DPP10: variants seen among roughly 807,000 people sequenced by gnomAD.
The protein encoded by DPP10 is dipeptidyl peptidase like 10, also known as inactive dipeptidyl peptidase 10.
Under a neutral mutation model 120.9 loss-of-function variants are expected in DPP10, and 33 were observed. That is an observed-to-expected ratio of 0.27 (90% CI 0.21 to 0.37). The LOEUF (loss-of-function observed/expected upper bound fraction) is 0.37. Among genes scored for constraint, DPP10 ranks in the 10% least tolerant of loss-of-function variants. The pLI is 1.00. For synonymous variants in DPP10, 337 were observed against 326.1 expected, an observed-to-expected ratio of 1.03 and a Z score of -0.36; for missense variants, 816 against 942.8, an observed-to-expected ratio of 0.87 and a Z score of 1.76.
At chr2:115,084,627 T>G (rs1708547035) in intron 1 of DPP10, among the ~76,000 whole-genome samples, 1 of 152,178 alleles carries the variant, frequency 6.6e-6, no homozygotes, top group African/African-American at 2.4e-5. Flanking sequence ...CAGATTTATC[T>G]TGGGAAAAGC....
chr2:115,348,149 C>T (rs1052832300), intron 3 of DPP10, among the ~76,000 whole-genome samples: 8 of 152,184 alleles, frequency 5.3e-5, no homozygotes, highest in East Asian at 1.9e-4. Flanking sequence ...GTCAGTTCAA[C>T]GTACTCAGCA....
Position 114,565,752 on chromosome 2 carries a change from C to T in DPP10, c.60+122914C>T, listed in dbSNP as rs566541613. Among the ~76,000 whole-genome samples, 10 of 152,272 alleles carry T rather than the reference C, an allele frequency of 6.6e-5. No individual in the cohort carries two copies. In the South Asian group the frequency reaches 2.1e-3, roughly 32 times the overall value. On this transcript the variant is annotated intron_variant, in intron 1 of 25. Transcript: ENST00000410059. ...CTGCCACCTATAAACTACGTGACTT[C>T]CTGGTGTTATAATTTACTCTTCTTG...
intron 1 of DPP10, among the ~76,000 whole-genome samples, chr2:114,810,904 G>A (rs1418393733): frequency 6.6e-6 from 1 of 152,102 alleles, no homozygotes; most frequent in Admixed American, 6.5e-5. Context: ...TTTCCCAGAA[G>A]ACTCTTTGGA....
chr2:115,077,698 T>G (rs1280843097), intron 1 of DPP10, among the ~76,000 whole-genome samples: 1 of 152,230 alleles, frequency 6.6e-6, no homozygotes, highest in Non-Finnish European at 1.5e-5. Context: ...GACCCTGCAG[T>G]GCAGTGTTCT....
chr2:114,687,438 G>T lies in DPP10; in HGVS notation c.60+244600G>T, dbSNP rs181699872. ...AAAAGTCAAATTGGCCACCTAATTT[G>T]GATGTTTTTATGTGGGTAGATCTGG... On this transcript the variant is annotated intron_variant, in intron 1 of 25. Transcript: ENST00000410059. Among the ~76,000 whole-genome samples, 454 of 152,010 alleles carry T rather than the reference G, an allele frequency of 3.0e-3. 3 individuals are homozygous for T. Among genetic ancestry groups the T allele is most frequent in the Middle Eastern group, 0.014 (4 of 294 alleles).
intron 7 of DPP10, among the ~76,000 whole-genome samples, chr2:115,699,022 G>GAA (rs758818861): frequency 2.4e-3 from 94 of 39,142 alleles, no homozygotes; most frequent in East Asian, 4.6e-3. Context: ...TAGCTTGACT[G>GAA]AAAAAAAAAA....
In DPP10 at chr2:115,126,164, G is replaced by A. The variant is rs959128650; in HGVS notation, c.61-183075G>A. Among the ~76,000 whole-genome samples the A allele has an allele frequency of 2.6e-5, 4 of 152,104 alleles. No homozygotes were observed. The East Asian group carries it at 7.7e-4, about 29-fold the overall frequency. Reference sequence around the variant, plus strand: ...GACAGGGCCTCACTCTGTTGACCAGGCTGGAATGCAAAGGTGTGATCTTGG... The same window carrying A: ...GACAGGGCCTCACTCTGTTGACCAGACTGGAATGCAAAGGTGTGATCTTGG... On this transcript the variant is annotated intron_variant, in intron 1 of 25. Coordinates refer to ENST00000410059, the MANE Select transcript of DPP10 (RefSeq NM_020868.6).
chr2:114,565,450 G>C (rs1243762398), intron 1 of DPP10, among the ~76,000 whole-genome samples: 1 of 152,180 alleles, frequency 6.6e-6, no homozygotes, highest in African/African-American at 2.4e-5. Context: ...ATGGTGACAA[G>C]CTACTCTCTG....
chr2:115,669,178 A>G (rs544141443), intron 5 of DPP10, among the ~76,000 whole-genome samples: 2 of 152,262 alleles, frequency 1.3e-5, no homozygotes, highest in East Asian at 1.9e-4. Flanking sequence ...TGGGAATGCT[A>G]TTAGCAAAAG....
chr2:115,596,489 A>G (rs1364800689), intron 5 of DPP10, among the ~76,000 whole-genome samples: 1 of 152,162 alleles, frequency 6.6e-6, no homozygotes, highest in Non-Finnish European at 1.5e-5. Context: ...AAACACACAG[A>G]CATACAGGCA....
At chr2:115,597,074 A>G (rs1048530067) in intron 5 of DPP10, among the ~76,000 whole-genome samples, 1 of 152,184 alleles carries the variant, frequency 6.6e-6, no homozygotes, top group African/African-American at 2.4e-5. Context: ...AGTAAAACGC[A>G]TATCCCTCAG....
chr2:115,305,894 C>T (rs1173796230), intron 1 of DPP10, among the ~76,000 whole-genome samples: 1 of 151,826 alleles, frequency 6.6e-6, no homozygotes, highest in East Asian at 1.9e-4. Context: ...ATCATTATGA[C>T]GATGATGATG....
At chr2:114,594,690 T>G (rs1161918719) in intron 1 of DPP10, among the ~76,000 whole-genome samples, 1 of 151,678 alleles carries the variant, frequency 6.6e-6, no homozygotes, top group East Asian at 1.9e-4. Flanking sequence ...GCAAAAAGAT[T>G]GAAGGACAGT....
intron 1 of DPP10, among the ~76,000 whole-genome samples, chr2:114,851,349 C>T (rs1468144378): frequency 1.3e-5 from 2 of 152,094 alleles, no homozygotes; most frequent in Admixed American, 1.3e-4. Flanking sequence ...AACTAAGATG[C>T]ACTGAATATT....
At chr2:114,813,243 A>G (rs1478229201) in intron 1 of DPP10, among the ~76,000 whole-genome samples, 1 of 152,222 alleles carries the variant, frequency 6.6e-6, no homozygotes, top group Non-Finnish European at 1.5e-5. Flanking sequence ...GCAAATAATC[A>G]TACACTAAAA....
At chr2:115,066,825 C>G (rs1179669787) in intron 1 of DPP10, 2 of 152,180 alleles carry the variant, frequency 1.3e-5, no homozygotes, top group African/African-American at 4.8e-5. Context: ...TTTCAGCATA[C>G]AATGTGATGT....
intron 1 of DPP10, among the ~76,000 whole-genome samples, chr2:115,282,748 A>G (rs1363919631): frequency 2.6e-5 from 4 of 152,176 alleles, no homozygotes; most frequent in African/African-American, 9.6e-5. Context: ...AGAAGACAGT[A>G]TCTACTTTGA....
intron 1 of DPP10, among the ~76,000 whole-genome samples, chr2:114,458,667 T>C (rs1678709747): frequency 6.6e-6 from 1 of 152,190 alleles, no homozygotes. Context: ...TTCTCATCTG[T>C]TAGATAGGAT....
At chr2:115,416,681 T>G (rs2069463553) in intron 3 of DPP10, among the ~76,000 whole-genome samples, 2 of 152,158 alleles carry the variant, frequency 1.3e-5, no homozygotes, top group Admixed American at 1.3e-4. Flanking sequence ...AAACAAGAAA[T>G]CAATTAAATC....
Sources: gnomAD v4.1 joint callset for allele counts (sites outside exome capture counted in the v4.1 genomes callset) on GRCh38, gnomAD v4.1.1 for gene constraint, MANE v1.5 for transcripts, NCBI Gene and HGNC (gene_info 2026-07-23, HGNC 2026-07-21) for gene names.